SAE1: variants seen among roughly 807,000 people sequenced by gnomAD.
SAE1 encodes SUMO1 activating enzyme subunit 1.
A neutral mutation model predicts 40.6 loss-of-function variants in SAE1; 11 were observed. The observed-to-expected ratio is 0.27, with a 90% CI of 0.17 to 0.45. The LOEUF is 0.45. Ranked by LOEUF, SAE1 falls within the 20% of genes least tolerant of loss-of-function variation. The pLI is 1.00. For synonymous variants in SAE1, 155 were observed against 154.3 expected (o/e 1.00, Z -0.03); for missense variants, 373 against 427.3 (o/e 0.87, Z 1.12).
intron 6 of SAE1, among the ~76,000 whole-genome samples, chr19:47,195,621 G>A (rs2058608733): frequency 6.6e-6 from 1 of 151,870 alleles, no homozygotes; most frequent in South Asian, 2.1e-4. Flanking sequence ...TGCCTAGAAT[G>A]TGTACCTCCC....
intron 7 of SAE1, among the ~76,000 whole-genome samples, chr19:47,201,923 G>T (rs535946028): frequency 6.6e-6 from 1 of 152,068 alleles, no homozygotes; most frequent in Non-Finnish European, 1.5e-5. Context: ...GTGAGCCACC[G>T]CACCCAGCCC....
chr19:47,178,315 T>G (rs2058483614), intron 6 of SAE1, among the ~76,000 whole-genome samples: 2 of 152,108 alleles, frequency 1.3e-5, no homozygotes. Flanking sequence ...GCGGAGTGCC[T>G]GCTTGTAGCT....
At chr19:47,152,200 T>C (rs1473102563) in intron 3 of SAE1, among the ~76,000 whole-genome samples, 1 of 152,220 alleles carries the variant, frequency 6.6e-6, no homozygotes, top group African/African-American at 2.4e-5. Context: ...AAAGATGGTA[T>C]TTTGTGCAGT....
rs1013237144 is a variant in SAE1 at position 47,204,804 on chromosome 19, G to A, written c.948+1064G>A. Among the ~76,000 whole-genome samples the A allele has an allele frequency of 4.6e-5, 7 of 151,986 alleles. No homozygotes were observed. In the East Asian group the frequency reaches 7.7e-4, roughly 17 times the overall value. On this transcript the variant is annotated intron_variant, in intron 8 of 8. Coordinates refer to ENST00000270225, the MANE Select transcript of SAE1 (RefSeq NM_005500.3). The stretch of plus-strand genomic sequence containing the variant: ...AGCCACCGCACCCGGCCAAGCCCCC[G>A]TCTTTTTAACCACACACTGTAGGTA...
At chr19:47,161,173 T>C (rs2058357596) in intron 5 of SAE1, among the ~76,000 whole-genome samples, 1 of 108,322 alleles carries the variant, frequency 9.2e-6, no homozygotes. Flanking sequence ...GCTCTGCTAA[T>C]TTTTTCGGGT....
intron 6 of SAE1, among the ~76,000 whole-genome samples, chr19:47,189,529 C>T (rs1025945794): frequency 6.6e-6 from 1 of 152,030 alleles, no homozygotes; most frequent in East Asian, 1.9e-4. Flanking sequence ...CCACTGCACT[C>T]CAGCCTGGGT....
chr19:47,181,344 AAAAC>A (rs972524067), intron 6 of SAE1, among the ~76,000 whole-genome samples: 8 of 151,900 alleles, frequency 5.3e-5, no homozygotes, highest in African/African-American at 1.9e-4. Flanking sequence ...AATAAAATAA[AAAAC>A]AAATAAAAAG....
rs912024154 is a variant in SAE1 at position 47,153,125 on chromosome 19, A to G, written c.527+85A>G. Reference sequence around the variant, plus strand: ...TTAAATTATGTATTTATTTATGTGTAGAGACAGGATCTATGCTATGTTGTT... The same window carrying G: ...TTAAATTATGTATTTATTTATGTGTGGAGACAGGATCTATGCTATGTTGTT... On this transcript the variant is annotated intron_variant, in intron 4 of 8. Transcript: ENST00000270225. 2.5e-6 allele frequency: 3 copies of G among 1,217,046 alleles called. No individual in the cohort carries two copies. In the African/African-American group the frequency reaches 4.7e-5, roughly 19 times the overall value. The allele number at this position is 1,217,046 out of a possible 1,614,324, so 75.4% of individuals were successfully genotyped here. A position where few individuals can be genotyped will look rare whatever the true frequency, so the allele number is the denominator to read the frequency against.
At chr19:47,174,471 A>G (rs181321848) in intron 6 of SAE1, among the ~76,000 whole-genome samples, 1 of 150,962 alleles carries the variant, frequency 6.6e-6, no homozygotes, top group East Asian at 1.9e-4. Context: ...ATCTCGGTTC[A>G]CCACAACCTC....
At chr19:47,145,936 GTTTTT>G (rs11321351) in intron 2 of SAE1, among the ~76,000 whole-genome samples, 2 of 129,858 alleles carry the variant, frequency 1.5e-5, no homozygotes, top group Admixed American at 1.6e-4. Flanking sequence ...CATTCTCAAG[GTTTTT>G]TTTTTTTTTT....
At chr19:47,201,200 C>T (rs1374509237) in intron 7 of SAE1, among the ~76,000 whole-genome samples, 2 of 151,702 alleles carry the variant, frequency 1.3e-5, no homozygotes, top group African/African-American at 4.8e-5. Flanking sequence ...AGGCGCGTGC[C>T]ACCACGCCCG....
chr19:47,139,095 G>A (rs1017595852), intron 1 of SAE1, among the ~76,000 whole-genome samples: 1 of 152,182 alleles, frequency 6.6e-6, no homozygotes, highest in Non-Finnish European at 1.5e-5. Flanking sequence ...GGGACTACAG[G>A]CACGTGCCAC....
chr19:47,204,431 A>G (rs964116454), intron 8 of SAE1, among the ~76,000 whole-genome samples: 1 of 149,446 alleles, frequency 6.7e-6, no homozygotes, highest in South Asian at 2.1e-4. Context: ...ATCTCCTGAC[A>G]TCGTGATCTG....
At chr19:47,169,148 C>G (rs1343748182) in intron 5 of SAE1, among the ~76,000 whole-genome samples, 1 of 152,144 alleles carries the variant, frequency 6.6e-6, no homozygotes, top group East Asian at 1.9e-4. Context: ...TTTTTGTTTA[C>G]TATTACAAAA....
At chr19:47,201,321 A>G (rs1183879717) in intron 7 of SAE1, among the ~76,000 whole-genome samples, 1 of 137,924 alleles carries the variant, frequency 7.3e-6, no homozygotes. Flanking sequence ...TGCTGGGATT[A>G]CAGGCATGAG....
chr19:47,180,941 T>G (rs1329054471), intron 6 of SAE1, among the ~76,000 whole-genome samples: 1 of 152,174 alleles, frequency 6.6e-6, no homozygotes, highest in Non-Finnish European at 1.5e-5. Context: ...CTCATGCCTC[T>G]TGGAATATGT....
chr19:47,142,459 T>TG (rs1421737009), intron 1 of SAE1: 2 of 151,984 alleles, frequency 1.3e-5, no homozygotes, highest in Non-Finnish European at 2.9e-5. Flanking sequence ...TTTGCTTGTG[T>TG]GTTATACTTA....
intron 8 of SAE1, 121 bp downstream of exon 8, chr19:47,203,861 A>T (rs1040849298): frequency 5.7e-6 from 5 of 872,466 alleles, no homozygotes; most frequent in Non-Finnish European, 9.2e-6. Context: ...TCTTTGTTTC[A>T]TGCCCTCCCC....
At chr19:47,163,518 A>G (rs759954524) in intron 5 of SAE1, among the ~76,000 whole-genome samples, 1 of 152,116 alleles carries the variant, frequency 6.6e-6, no homozygotes, top group Non-Finnish European at 1.5e-5. Context: ...ACTTGAGGTC[A>G]GGAGTTGGAG....
Sources: allele counts gnomAD v4.1 joint callset (sites outside exome capture counted in the v4.1 genomes callset), GRCh38; gene constraint gnomAD v4.1.1; transcripts MANE v1.5; gene names NCBI Gene and HGNC (gene_info 2026-07-23, HGNC 2026-07-21).